Variants in COL19A1 observed in about 807,000 individuals in gnomAD.
The protein encoded by COL19A1 is collagen alpha-1(XIX) chain.
COL19A1 carries 159 observed loss-of-function variants against 190.2 expected under a neutral mutation model. The observed-to-expected ratio is 0.84, with a 90% CI of 0.73 to 0.95. The LOEUF is 0.95. Among genes scored for constraint, COL19A1 ranks in the 40% least tolerant of loss-of-function variants. The probability of loss-of-function intolerance (pLI) is 0.00; values close to 1 mark genes in which losing one functional copy is unlikely to be tolerated. For synonymous variants in COL19A1, 509 were observed against 458.9 expected (o/e 1.11, Z -1.39); for missense variants, 1,418 against 1,431.9 (o/e 0.99, Z 0.16).
rs539466226 is a variant in COL19A1 at position 69,977,931 on chromosome 6, A to G, written c.1026+15061A>G. ...TTGCTTTACCTGCTAATAAATGGCC[A>G]TGGTCATATTGAAAAAAAAAATTTT... On this transcript the variant is annotated intron_variant, in intron 11 of 50. Coordinates refer to ENST00000620364, the MANE Select transcript of COL19A1 (RefSeq NM_001858.6). Among the ~76,000 whole-genome samples, 8 of 152,298 alleles carry G rather than the reference A, an allele frequency of 5.3e-5. No homozygotes were observed. The South Asian group carries it at 8.3e-4, about 16-fold the overall frequency.
intron 37 of COL19A1, among the ~76,000 whole-genome samples, chr6:70,166,793 T>A (rs954330527): frequency 2.0e-5 from 3 of 152,218 alleles, no homozygotes; most frequent in Admixed American, 2.0e-4. Context: ...CCTAAATCTG[T>A]TCATCTGTGT....
At chr6:69,872,279 C>T (rs1188179465) in intron 1 of COL19A1, among the ~76,000 whole-genome samples, 3 of 151,902 alleles carry the variant, frequency 2.0e-5, no homozygotes, top group African/African-American at 7.3e-5. Flanking sequence ...TGATTTATCC[C>T]CAGTGATTGT....
intron 11 of COL19A1, among the ~76,000 whole-genome samples, chr6:69,983,962 T>C (rs149935450): frequency 3.2e-4 from 49 of 152,250 alleles, no homozygotes; most frequent in African/African-American, 1.1e-3. Context: ...GCTAGGATCA[T>C]AAAATGAGTT....
chr6:69,949,459 A>T (rs547446590), intron 9 of COL19A1, among the ~76,000 whole-genome samples: 3 of 151,924 alleles, frequency 2.0e-5, no homozygotes, highest in African/African-American at 4.8e-5. Flanking sequence ...TAAAGAATGT[A>T]TACAAAATGA....
At chr6:69,921,778 A>G (rs891527970) in intron 4 of COL19A1, among the ~76,000 whole-genome samples, 2 of 149,958 alleles carry the variant, frequency 1.3e-5, no homozygotes, top group African/African-American at 4.9e-5. Flanking sequence ...GTATATGTAT[A>G]TTCGTATGTA....
At chr6:69,982,083 G>A (rs1265158817) in intron 11 of COL19A1, among the ~76,000 whole-genome samples, 1 of 152,102 alleles carries the variant, frequency 6.6e-6, no homozygotes, top group African/African-American at 2.4e-5. Context: ...CATGGTGGAA[G>A]CAGCAGCAAT....
At chr6:69,964,800 T>C (rs878992416) in intron 11 of COL19A1, among the ~76,000 whole-genome samples, 13 of 152,150 alleles carry the variant, frequency 8.5e-5, no homozygotes, top group Admixed American at 8.5e-4. Context: ...TGATTTATAG[T>C]CAGATATAAG....
intron 1 of COL19A1, among the ~76,000 whole-genome samples, chr6:69,867,228 C>G (rs1767510918): frequency 6.6e-6 from 1 of 152,112 alleles, no homozygotes; most frequent in East Asian, 1.9e-4. Flanking sequence ...GGTGTTTTTC[C>G]CAAGTGCGGC....
At chr6:70,109,315 G>T (rs549808696) in intron 16 of COL19A1, among the ~76,000 whole-genome samples, 70 of 152,224 alleles carry the variant, frequency 4.6e-4, no homozygotes, top group African/African-American at 1.6e-3. Context: ...GCCAGAGCAA[G>T]AACTTTCCAA....
intron 11 of COL19A1, among the ~76,000 whole-genome samples, chr6:69,998,957 C>CTTTT (rs879641354): frequency 1.3e-4 from 19 of 147,272 alleles, no homozygotes; most frequent in African/African-American, 4.7e-4. Flanking sequence ...TTATGTTTAT[C>CTTTT]TTTTTTTTTT....
At chr6:69,945,911 G>C (rs554762966) in intron 9 of COL19A1, among the ~76,000 whole-genome samples, 4 of 152,026 alleles carry the variant, frequency 2.6e-5, no homozygotes, top group Non-Finnish European at 5.9e-5. Flanking sequence ...AAATTTATTA[G>C]ACTGAATTTG....
chr6:70,080,113 G>A (rs546300852), intron 15 of COL19A1, among the ~76,000 whole-genome samples: 2 of 152,292 alleles, frequency 1.3e-5, no homozygotes, highest in Admixed American at 1.3e-4. Context: ...AAGGCTTATT[G>A]CATATTCACA....
chr6:69,926,474 A>G (rs1460033014), intron 4 of COL19A1, among the ~76,000 whole-genome samples: 6 of 152,176 alleles, frequency 3.9e-5, no homozygotes, highest in Admixed American at 1.3e-4. Context: ...CAGCAAATCA[A>G]ATTTTTGAAT....
chr6:69,959,928 GACCACAAAA>G, intron 9 of COL19A1, 59 bp from the exon 10 acceptor site: 1 of 1,457,116 alleles, frequency 6.9e-7, no homozygotes, highest in South Asian at 1.2e-5. Flanking sequence ...ATTTGTTAAA[GACCACAAAA>G]ACGTCTATGT....
At chr6:69,899,166 T>G in intron 3 of COL19A1, 144 bp downstream of exon 3, 1 of 136,970 alleles carries the variant, frequency 7.3e-6, no homozygotes, top group African/African-American at 3.4e-5. Context: ...TTCTTTTTAA[T>G]TTTTTTTTTT....
At chr6:70,183,289 G>A (rs1461839607) in intron 44 of COL19A1, among the ~76,000 whole-genome samples, 3 of 152,100 alleles carry the variant, frequency 2.0e-5, no homozygotes, top group African/African-American at 7.2e-5. Context: ...CCAGGAAAGG[G>A]GCTCTGCCAG....
intron 11 of COL19A1, among the ~76,000 whole-genome samples, chr6:70,001,248 A>T (rs987669281): frequency 1.3e-4 from 20 of 152,194 alleles, no homozygotes; most frequent in African/African-American, 4.8e-4. Context: ...TGGTACCAGT[A>T]TCATGCTGTT....
intron 1 of COL19A1, among the ~76,000 whole-genome samples, chr6:69,878,732 C>T (rs1768303066): frequency 6.6e-6 from 1 of 152,090 alleles, no homozygotes; most frequent in Non-Finnish European, 1.5e-5. Context: ...AAAGCAGGGA[C>T]TCAAACAGAT....
chr6:70,118,413 C>G (rs1784703222), intron 16 of COL19A1, among the ~76,000 whole-genome samples: 1 of 152,190 alleles, frequency 6.6e-6, no homozygotes, highest in Non-Finnish European at 1.5e-5. Flanking sequence ...TAGAGGGGGA[C>G]TTCCAGAAGA....
Sources: allele counts gnomAD v4.1 joint callset (sites outside exome capture counted in the v4.1 genomes callset), GRCh38; gene constraint gnomAD v4.1.1; transcripts MANE v1.5; gene names NCBI Gene and HGNC (gene_info 2026-07-23, HGNC 2026-07-21).